The following LDB2 variants were observed in gnomAD, a reference collection of about 807,000 sequenced individuals.
The protein encoded by LDB2 is LIM domain-binding protein 2.
In LDB2, 12 loss-of-function variants were observed where a neutral mutation model predicts 44.3. That is an observed-to-expected ratio of 0.27 (90% confidence interval 0.17 to 0.44). The LOEUF is 0.44. Among genes scored for constraint, LDB2 ranks in the 20% least tolerant of loss-of-function variants. LDB2 has a pLI of 1.00. For missense variants in LDB2, 344 were observed against 473.5 expected, an observed-to-expected ratio of 0.73 and a Z score of 2.54; for synonymous variants, 164 against 174.8, an observed-to-expected ratio of 0.94 and a Z score of 0.49.
intron 2 of LDB2, among the ~76,000 whole-genome samples, chr4:16,697,443 C>A (rs1427048064): frequency 6.6e-6 from 1 of 151,268 alleles, no homozygotes; most frequent in Non-Finnish European, 1.5e-5. Context: ...GCCTGGGCGA[C>A]AGAGCAAGAC....
chr4:16,874,643 C>T (rs1435795665), intron 1 of LDB2, among the ~76,000 whole-genome samples: 4 of 152,206 alleles, frequency 2.6e-5, no homozygotes, highest in Non-Finnish European at 5.9e-5. Flanking sequence ...ATTAGGCAAG[C>T]TCTACCTAAT....
At chr4:16,692,986 C>T (rs1751158700) in intron 2 of LDB2, among the ~76,000 whole-genome samples, 1 of 152,076 alleles carries the variant, frequency 6.6e-6, no homozygotes, top group South Asian at 2.1e-4. Context: ...TATTTTCTTC[C>T]CTGCCCCCCA....
chr4:16,795,621 A>C (rs1291943713), intron 1 of LDB2, among the ~76,000 whole-genome samples: 1 of 152,152 alleles, frequency 6.6e-6, no homozygotes, highest in African/African-American at 2.4e-5. Flanking sequence ...ACAGGCAGTT[A>C]TTCAGGCATG....
At chr4:16,510,181 G>A (rs1219579294) in intron 6 of LDB2, among the ~76,000 whole-genome samples, 1 of 152,152 alleles carries the variant, frequency 6.6e-6, no homozygotes, top group Non-Finnish European at 1.5e-5. Context: ...TGGACAATGG[G>A]AAGGATCTTC....
intron 5 of LDB2, among the ~76,000 whole-genome samples, chr4:16,570,471 A>C: frequency 1.1e-5 from 1 of 93,170 alleles, no homozygotes; most frequent in Non-Finnish European, 1.9e-5. Context: ...TCAAAAAAAA[A>C]AAAAAAAAAA....
intron 1 of LDB2, among the ~76,000 whole-genome samples, chr4:16,762,169 C>A (rs906563826): frequency 6.6e-6 from 1 of 152,018 alleles, no homozygotes; most frequent in Admixed American, 6.6e-5. Flanking sequence ...GCACTCCAGT[C>A]TGGGTGACAG....
chr4:16,799,154 G>A (rs1304556198), intron 1 of LDB2, among the ~76,000 whole-genome samples: 1 of 151,846 alleles, frequency 6.6e-6, no homozygotes, highest in African/African-American at 2.4e-5. Flanking sequence ...CGCCCGGCTC[G>A]TGACTGGGGT....
chr4:16,824,873 A>C (rs1263081459), intron 1 of LDB2, among the ~76,000 whole-genome samples: 1 of 152,260 alleles, frequency 6.6e-6, no homozygotes, highest in African/African-American at 2.4e-5. Context: ...TGAATAAGAC[A>C]GTGAGCATCT....
At chr4:16,683,977 A>G (rs976988511) in intron 2 of LDB2, among the ~76,000 whole-genome samples, 1 of 152,188 alleles carries the variant, frequency 6.6e-6, no homozygotes, top group Non-Finnish European at 1.5e-5. Context: ...CTCACTTTCT[A>G]TTAGCAGTAA....
intron 2 of LDB2, among the ~76,000 whole-genome samples, chr4:16,696,045 T>G (rs1230746426): frequency 6.6e-6 from 1 of 152,108 alleles, no homozygotes; most frequent in African/African-American, 2.4e-5. Flanking sequence ...ATCCCTGACT[T>G]GACTGTGGGC....
chr4:16,513,355 C>T (rs556380180), intron 5 of LDB2, among the ~76,000 whole-genome samples: 76 of 152,322 alleles, frequency 5.0e-4, no homozygotes, highest in African/African-American at 1.8e-3. Context: ...TGCCTCTCTT[C>T]AGTTCTCCAT....
At chr4:16,864,063 C>A (rs933667540) in intron 1 of LDB2, among the ~76,000 whole-genome samples, 1 of 152,112 alleles carries the variant, frequency 6.6e-6, no homozygotes, top group African/African-American at 2.4e-5. Context: ...GAATCTCATC[C>A]TACTCCCACC....
At chr4:16,821,387 A>ATTTTTTTTTTTTTTTTTTTTTT (rs140227606) in intron 1 of LDB2, among the ~76,000 whole-genome samples, 1 of 130,696 alleles carries the variant, frequency 7.7e-6, no homozygotes. Flanking sequence ...TTTTTTTTTT[A>ATTTTTTTTTTTTTTTTTTTTTT]TTTTTTTTTT....
At chr4:16,561,559 C>A (rs1005008153) in intron 5 of LDB2, among the ~76,000 whole-genome samples, 11 of 151,908 alleles carry the variant, frequency 7.2e-5, no homozygotes, top group African/African-American at 2.4e-4. Flanking sequence ...CTGCTCAAGG[C>A]AATAAAAGAG....
intron 1 of LDB2, among the ~76,000 whole-genome samples, chr4:16,796,710 C>T (rs1776813883): frequency 6.6e-6 from 1 of 152,038 alleles, no homozygotes; most frequent in African/African-American, 2.4e-5. Context: ...CTAAGTCAGC[C>T]AGGTGATCAA....
At chr4:16,659,425 T>C (rs1222967686) in intron 2 of LDB2, among the ~76,000 whole-genome samples, 2 of 152,156 alleles carry the variant, frequency 1.3e-5, no homozygotes, top group Admixed American at 6.5e-5. Flanking sequence ...TTTAATTCCA[T>C]ACTTTTCCTG....
chr4:16,739,645 CAT>C (rs1326762386), intron 2 of LDB2, among the ~76,000 whole-genome samples: 2 of 49,338 alleles, frequency 4.1e-5, no homozygotes, highest in African/African-American at 9.1e-5. Flanking sequence ...TGTATATATA[CAT>C]ATGTGTGTAT....
At chr4:16,749,480 C>T (rs555879755) in intron 2 of LDB2, among the ~76,000 whole-genome samples, 133 of 149,546 alleles carry the variant, frequency 8.9e-4, no homozygotes, top group African/African-American at 2.8e-3. Context: ...ATTGCTTGAA[C>T]CTGGGAGGTG....
chr4:16,630,198 G>A (rs1269547641), intron 2 of LDB2, among the ~76,000 whole-genome samples: 2 of 152,188 alleles, frequency 1.3e-5, no homozygotes, highest in African/African-American at 2.4e-5. Flanking sequence ...TAAAGGTCGA[G>A]TTACCCATAA....
Sources: allele counts gnomAD v4.1 joint callset (sites outside exome capture counted in the v4.1 genomes callset), GRCh38; gene constraint gnomAD v4.1.1; transcripts MANE v1.5; gene names NCBI Gene and HGNC (gene_info 2026-07-23, HGNC 2026-07-21).